TMPRSS9: variants seen among roughly 807,000 people sequenced by gnomAD.
TMPRSS9 encodes transmembrane protease serine 9.
A neutral mutation model predicts 111.4 loss-of-function variants in TMPRSS9; 113 were observed. That is an observed-to-expected ratio of 1.01 (90% CI 0.87 to 1.19). The LOEUF is 1.19. Ranked by LOEUF, TMPRSS9 falls within the 50% of genes most tolerant of loss-of-function variation. The pLI, the probability that TMPRSS9 is intolerant of heterozygous loss-of-function variation, is 0.00. For missense variants in TMPRSS9, 1,803 were observed against 1,513.1 expected (o/e 1.19, Z -3.18); for synonymous variants, 805 against 659.1 (o/e 1.22, Z -3.39).
chr19:2,366,466 C>T (rs1436111716), intron 1 of TMPRSS9, among the ~76,000 whole-genome samples: 1 of 152,194 alleles, frequency 6.6e-6, no homozygotes, highest in Non-Finnish European at 1.5e-5. Flanking sequence ...ATTAAAACAA[C>T]AGACATTTAT....
chr19:2,397,496 T>C (rs1456201320), intron 2 of TMPRSS9, among the ~76,000 whole-genome samples: 3 of 152,022 alleles, frequency 2.0e-5, no homozygotes, highest in Non-Finnish European at 2.9e-5. Context: ...GGAATATGAC[T>C]CAGCCAGGAA....
Position 2,424,130 on chromosome 19 carries a change from GGCAGC to G in TMPRSS9, c.2597_2601del (p.Ala866GlyfsTer175), listed in dbSNP as rs753794422. The G allele has an allele frequency of 4.2e-5, 59 of 1,399,730 alleles. No homozygotes were observed. The highest frequency in any genetic ancestry group is 3.0e-4 in the South Asian group (19 of 63,508). The allele number at this position is 1,399,730 out of a possible 1,614,324, so 86.7% of individuals were successfully genotyped here. The stretch of plus-strand genomic sequence containing the variant: ...GGCCGCGCTCACCAGGATTGTGGGC[GGCAGC>G]GCAGCGGGCCGTGGGGAGTGGCCGT... On this transcript the variant is annotated frameshift_variant, in exon 15 of 18. Transcript: ENST00000648592. LOFTEE classifies it high-confidence loss of function.
At chr19:2,384,787 C>A (rs1486565703), upstream of TMPRSS9, among the ~76,000 whole-genome samples, 8 of 147,544 alleles carry the variant, frequency 5.4e-5, no homozygotes, top group Non-Finnish European at 1.2e-4. Flanking sequence ...CGCACTCCAG[C>A]CTGGGCGACA....
intron 9 of TMPRSS9, among the ~76,000 whole-genome samples, chr19:2,410,733 G>C (rs12609236): frequency 0.092 from 14,066 of 152,074 alleles, 948 homozygotes; most frequent in East Asian, 0.26. Context: ...TGGGGTCCCT[G>C]AGTAATCTCC....
Position 2,399,179 on chromosome 19 carries a change from C to A in TMPRSS9, c.500C>A (p.Ser167Ter). ...CTGGCTGCCTATGGCACAATTGTGT[C>A]GGCTGAGCTCACAGGTGAGTGGGCA... Residue 167 changes from serine to a stop codon, truncating the protein, a stop_gained, in exon 4 of 18, where the codon TCG becomes TAG. Coordinates refer to ENST00000648592, the Ensembl canonical transcript of TMPRSS9. LOFTEE classifies it high-confidence loss of function. 6.2e-7 allele frequency: 1 copy of A among 1,602,414 alleles called. No individual in the cohort carries two copies. The highest frequency in any genetic ancestry group is 1.7e-5 in the Admixed American group (1 of 58,948).
chr19:2,425,745 C>T, intron 17 of TMPRSS9, 182 bp from the exon 19 acceptor site: 1 of 1,151,956 alleles, frequency 8.7e-7, no homozygotes, highest in Non-Finnish European at 1.2e-6. Flanking sequence ...CCGTTCCACT[C>T]CGGGACCACG....
chr19:2,395,944 C>T (rs534650696), intron 1 of TMPRSS9, among the ~76,000 whole-genome samples: 12 of 151,994 alleles, frequency 7.9e-5, no homozygotes, highest in Non-Finnish European at 1.8e-4. Context: ...GGAGGCGCAG[C>T]TTGCAGTGAG....
intron 1 of TMPRSS9, among the ~76,000 whole-genome samples, chr19:2,367,780 G>T (rs921989380): frequency 6.6e-6 from 1 of 152,024 alleles, no homozygotes; most frequent in Admixed American, 6.6e-5. Context: ...AGCCAGGCTG[G>T]TCTTGAACTC....
At chr19:2,404,880 T>C (rs533549166) in intron 6 of TMPRSS9, among the ~76,000 whole-genome samples, 1 of 143,218 alleles carries the variant, frequency 7.0e-6, no homozygotes, top group African/African-American at 2.6e-5. Context: ...TGCAGTGAGT[T>C]GAGATCACGC....
At position 2,425,824 on chromosome 19, in the gene TMPRSS9, C is replaced by G. The variant is rs577871933; in HGVS notation, c.3121-103C>G. The G allele has an allele frequency of 2.1e-6, 3 of 1,435,462 alleles. No individual in the cohort carries two copies. The Admixed American group carries it at 7.4e-5, about 35-fold the overall frequency. 88.9% of individuals were successfully genotyped at this position (1,435,462 alleles called of 1,614,324 possible). On this transcript the variant is annotated intron_variant, in intron 17 of 17. Coordinates refer to ENST00000648592, the Ensembl canonical transcript of TMPRSS9. Reference sequence around the variant, plus strand: ...TTTTCCAGATAGTGAAAATGCGGCTCCCAGGGGAAGTCACTAGGGTCACTC... The same window carrying G: ...TTTTCCAGATAGTGAAAATGCGGCTGCCAGGGGAAGTCACTAGGGTCACTC...
exon 1 of TMPRSS9, chr19:2,389,889 C>A: frequency 6.2e-7 from 1 of 1,613,670 alleles, no homozygotes; most frequent in Non-Finnish European, 8.5e-7. Context: ...GGCGTGGTGG[C>A]CACCAGCCTT....
exon 12 of TMPRSS9, chr19:2,416,583 C>T (rs768013680): frequency 4.3e-6 from 7 of 1,612,004 alleles, no homozygotes; most frequent in Middle Eastern, 1.6e-4. Flanking sequence ...CTGCGTCCCT[C>T]CTGGGCCTGG....
chr19:2,398,171 C>G (rs977249803), intron 2 of TMPRSS9, among the ~76,000 whole-genome samples: 1 of 150,594 alleles, frequency 6.6e-6, no homozygotes, highest in African/African-American at 2.4e-5. Context: ...TGGTGTGTGC[C>G]TGTAATCCCA....
At chr19:2,379,724 T>TCTCTCTC (rs1568170929) in intron 1 of TMPRSS9, among the ~76,000 whole-genome samples, 1 of 149,824 alleles carries the variant, frequency 6.7e-6, no homozygotes, top group African/African-American at 2.5e-5. Flanking sequence ...CTTCCTCTTT[T>TCTCTCTC]TCTCTTTCTC....
exon 12 of TMPRSS9, chr19:2,416,797 C>G (rs775236019): frequency 2.5e-6 from 4 of 1,609,474 alleles, no homozygotes; most frequent in Non-Finnish European, 3.4e-6. Flanking sequence ...GGGAAATACG[C>G]AGGAAGGAAA....
At chr19:2,401,987 G>T (rs1463974019) in exon 5 of TMPRSS9, 3 of 1,611,946 alleles carry the variant, frequency 1.9e-6, no homozygotes, top group Non-Finnish European at 2.5e-6. Context: ...AGACATAAGG[G>T]ACCCTTGGCA....
intron 10 of TMPRSS9, 37 bp from the exon 12 acceptor site, chr19:2,415,633 C>G (rs1320279080): frequency 2.0e-6 from 3 of 1,507,190 alleles, no homozygotes; most frequent in East Asian, 4.9e-5. Context: ...CCGAGCAGGC[C>G]AAGATCCCCA....
intron 1 of TMPRSS9, among the ~76,000 whole-genome samples, chr19:2,384,289 C>G (rs1040837329): frequency 6.6e-6 from 1 of 152,132 alleles, no homozygotes; most frequent in Non-Finnish European, 1.5e-5. Flanking sequence ...TGGAGGTGAT[C>G]CCCCACCCTC....
At chr19:2,368,141 C>T (rs1249282802) in intron 1 of TMPRSS9, among the ~76,000 whole-genome samples, 4 of 152,142 alleles carry the variant, frequency 2.6e-5, no homozygotes, top group Admixed American at 2.0e-4. Context: ...AAATAACTTG[C>T]TCTTTCAGGA....
Sources: gnomAD v4.1 joint callset for allele counts (sites outside exome capture counted in the v4.1 genomes callset) on GRCh38, gnomAD v4.1.1 for gene constraint, MANE v1.5 for transcripts, NCBI Gene and HGNC (gene_info 2026-07-23, HGNC 2026-07-21) for gene names.